Variants in SNX5 observed in about 807,000 individuals in gnomAD.
SNX5 encodes sorting nexin-5.
A neutral mutation model predicts 53.9 loss-of-function variants in SNX5; 31 were observed. The ratio of observed to expected loss-of-function variants is 0.58; its 90% confidence interval spans 0.43 to 0.78. The LOEUF (loss-of-function observed/expected upper bound fraction) is 0.78, where lower values mean the gene tolerates loss of function less well. Ranked by LOEUF, SNX5 falls within the 30% of genes least tolerant of loss-of-function variation. The pLI is 0.00. For synonymous variants in SNX5, 168 were observed against 171.1 expected, an observed-to-expected ratio of 0.98 and a Z score of 0.14; for missense variants, 471 against 478.8, an observed-to-expected ratio of 0.98 and a Z score of 0.15.
intron 10 of SNX5, 47 bp downstream of exon 10, chr20:17,948,843 C>T (rs779047507): frequency 4.1e-6 from 6 of 1,480,694 alleles, no homozygotes; most frequent in Non-Finnish European, 5.6e-6. Flanking sequence ...TTTAAACAGA[C>T]TTCTGGTCCT....
chr20:17,954,162 ATGTTTTCTAGT>A (rs771948438), intron 3 of SNX5, 45 bp from the exon 4 acceptor site: 9 of 1,607,546 alleles, frequency 5.6e-6, no homozygotes, highest in Non-Finnish European at 1.7e-6. Flanking sequence ...CCCAGCAGCG[ATGTTTTCTAGT>A]TGGTGCCTCA....
At chr20:17,967,214 A>G (rs1319173059) in intron 1 of SNX5, among the ~76,000 whole-genome samples, 2 of 152,122 alleles carry the variant, frequency 1.3e-5, no homozygotes, top group African/African-American at 4.8e-5. Context: ...TACCAGAAAG[A>G]AAGAAAAAAT....
At chr20:17,955,224 T>C (rs181037038) in intron 3 of SNX5, 141 bp downstream of exon 3, 1 of 620,268 alleles carries the variant, frequency 1.6e-6, no homozygotes, top group Non-Finnish European at 2.9e-6. Context: ...TACTTTCCAC[T>C]TGACAGTCAG....
chr20:17,952,724 T>TG lies in SNX5; in HGVS notation c.390-15dup, dbSNP rs145799736. 0.1 allele frequency: 166,182 copies of TG among 1,611,734 alleles called. 9,308 individuals carry two copies. Among genetic ancestry groups the TG allele is most frequent in the Middle Eastern group, 0.12 (703 of 6,054 alleles). ...GCGAGATACTCACTGAAAAGAGATG[T>TG]GCACATGGCATTCAGTTGACACAGC... On this transcript the variant is annotated splice_polypyrimidine_tract_variant and intron_variant, in intron 4 of 12. Transcript: ENST00000377759.
At chr20:17,967,196 A>G (rs1196379088) in intron 1 of SNX5, among the ~76,000 whole-genome samples, 4 of 152,200 alleles carry the variant, frequency 2.6e-5, no homozygotes, top group African/African-American at 9.7e-5. Context: ...AAGACAGCTA[A>G]AAGAATGTAC....
At position 17,952,638 on chromosome 20, in the gene SNX5, A is replaced by G. The variant is rs1377691725; in HGVS notation, c.462T>C (p.Pro154=). ...GAAAGTTGCGATCTTTACTGAGAAC[A>G]GGGTGAGAAGAAAGCCGCTGAAGAA... ...EVFLQRLSSH[P]VLSKDRNFHV... The change falls in exon 5 of 13, where the codon CCT becomes CCC. Residue 154 remains proline, a synonymous_variant. Transcript: ENST00000377759. The G allele has an allele frequency of 1.9e-6, 3 of 1,614,112 alleles. No homozygotes were observed. The highest frequency in any genetic ancestry group is 2.5e-6 in the Non-Finnish European group (3 of 1,179,950).
intron 6 of SNX5, 174 bp downstream of exon 6, chr20:17,951,326 C>T: frequency 3.4e-6 from 2 of 592,078 alleles, no homozygotes; most frequent in Non-Finnish European, 3.1e-6. Flanking sequence ...GAACAAGGTG[C>T]TCTGGGAAAT....
chr20:17,947,336 G>C (rs78163990), intron 11 of SNX5, 150 bp downstream of exon 11: 73,097 of 742,436 alleles, frequency 0.098, 4,030 homozygotes, highest in Non-Finnish European at 0.12. Context: ...CCATGAGGAT[G>C]ACTGTGCATG....
intron 11 of SNX5, among the ~76,000 whole-genome samples, chr20:17,946,875 G>A (rs2122351056): frequency 6.6e-6 from 1 of 152,238 alleles, no homozygotes; most frequent in East Asian, 1.9e-4. Flanking sequence ...ACGAATGAAG[G>A]AGAGACACAC....
intron 1 of SNX5, among the ~76,000 whole-genome samples, chr20:17,960,110 G>A (rs1409644395): frequency 1.3e-5 from 2 of 152,104 alleles, no homozygotes; most frequent in Admixed American, 6.5e-5. Context: ...AGATCCCTTA[G>A]GTCACTTGTA....
At chr20:17,945,711 A>T (rs991106232) in intron 11 of SNX5, among the ~76,000 whole-genome samples, 6 of 152,014 alleles carry the variant, frequency 3.9e-5, no homozygotes, top group African/African-American at 1.4e-4. Context: ...GCCTGTCTAC[A>T]TGACATTTGC....
At chr20:17,954,773 C>G (rs573557011) in intron 3 of SNX5, among the ~76,000 whole-genome samples, 1 of 152,126 alleles carries the variant, frequency 6.6e-6, no homozygotes. Flanking sequence ...TGACGTGGCA[C>G]GGCCTCGGCT....
chr20:17,963,000 C>A, intron 1 of SNX5: 1 of 444,836 alleles, frequency 2.2e-6, no homozygotes, highest in South Asian at 1.6e-5. Context: ...AGTTAAATTA[C>A]TGCCTTAAAT....
chr20:17,964,288 T>C (rs1488789317), intron 1 of SNX5, among the ~76,000 whole-genome samples: 2 of 152,050 alleles, frequency 1.3e-5, no homozygotes, highest in Non-Finnish European at 2.9e-5. Flanking sequence ...CTAGAATGCT[T>C]AGGAGTGTGC....
intron 2 of SNX5, 44 bp from the exon 3 acceptor site, chr20:17,955,519 A>T (rs779194571): frequency 7.2e-7 from 1 of 1,380,046 alleles, no homozygotes; most frequent in South Asian, 1.2e-5. Flanking sequence ...CGACTTTTAG[A>T]TAAGTGATCT....
At chr20:17,964,435 G>A (rs1461956462) in intron 1 of SNX5, among the ~76,000 whole-genome samples, 2 of 152,174 alleles carry the variant, frequency 1.3e-5, no homozygotes, top group Non-Finnish European at 2.9e-5. Context: ...AGTGTTGGCT[G>A]CCCCTCAAAC....
In SNX5 at chr20:17,949,048, A is replaced by T. The variant is rs541108463; in HGVS notation, c.831+16T>A. On this transcript the variant is annotated intron_variant, in intron 9 of 12. Coordinates refer to ENST00000377759, the MANE Select transcript of SNX5 (RefSeq NM_014426.4). ...TATAAAATATATATTATGAAGACCA[A>T]CACAGAAATCCTTACCCTTAGTTTT... The T allele has an allele frequency of 1.9e-6, 3 of 1,611,174 alleles. No individual in the cohort carries two copies. In the African/African-American group the frequency reaches 4.0e-5, roughly 22 times the overall value.
chr20:17,946,226 A>G (rs148332571), intron 11 of SNX5, among the ~76,000 whole-genome samples: 1 of 152,342 alleles, frequency 6.6e-6, no homozygotes, highest in Non-Finnish European at 1.5e-5. Context: ...GTGCAACGGC[A>G]TATGTGTGCA....
intron 3 of SNX5, 43 bp downstream of exon 3, chr20:17,955,322 A>C: frequency 2.1e-6 from 3 of 1,421,568 alleles, no homozygotes; most frequent in Non-Finnish European, 3.0e-6. Flanking sequence ...AATGCATAGC[A>C]AGGCAGAAAG....
Sources: allele counts gnomAD v4.1 joint callset (sites outside exome capture counted in the v4.1 genomes callset), GRCh38; gene constraint gnomAD v4.1.1; transcripts MANE v1.5; gene names NCBI Gene and HGNC (gene_info 2026-07-23, HGNC 2026-07-21).